C1QTNF7: variants seen among roughly 807,000 people sequenced by gnomAD.
The protein encoded by C1QTNF7 is C1q and TNF related 7.
C1QTNF7 carries 15 observed loss-of-function variants against 19.6 expected under a neutral mutation model. That is an observed-to-expected ratio of 0.76 (90% CI 0.51 to 1.18). The LOEUF is 1.18. Among genes scored for constraint, C1QTNF7 ranks in the 50% most tolerant of loss-of-function variants. C1QTNF7 has a pLI of 0.00. For synonymous variants in C1QTNF7, 142 were observed against 137.5 expected (o/e 1.03, Z -0.23); for missense variants, 324 against 359.7 (o/e 0.90, Z 0.80).
chr4:15,436,879 G>A (rs1712559928), intron 2 of C1QTNF7, among the ~76,000 whole-genome samples: 1 of 152,170 alleles, frequency 6.6e-6, no homozygotes. Flanking sequence ...TGATTTACTG[G>A]AGTTCTGTAA....
At chr4:15,419,014 T>C (rs1295504005) in intron 1 of C1QTNF7, among the ~76,000 whole-genome samples, 1 of 152,220 alleles carries the variant, frequency 6.6e-6, no homozygotes, top group Non-Finnish European at 1.5e-5. Context: ...TTAGCTTCAC[T>C]AACCTTTAAA....
At chr4:15,415,596 GC>G (rs1198761215) in intron 1 of C1QTNF7, among the ~76,000 whole-genome samples, 1 of 148,586 alleles carries the variant, frequency 6.7e-6, no homozygotes, top group African/African-American at 2.5e-5. Context: ...TTGGTATTGG[GC>G]CTTCTCTTTT....
exon 1 of C1QTNF7, chr4:15,340,198 T>C: frequency 6.4e-7 from 1 of 1,551,622 alleles, no homozygotes; most frequent in Non-Finnish European, 8.7e-7. Context: ...ATCAGCAATG[T>C]CCAGACAAGG....
intron 2 of C1QTNF7, among the ~76,000 whole-genome samples, chr4:15,437,150 T>C (rs1712570390): frequency 6.6e-6 from 1 of 152,194 alleles, no homozygotes; most frequent in South Asian, 2.1e-4. Flanking sequence ...TGAAATCCTA[T>C]AATAACATCA....
At chr4:15,394,781 G>T (rs1417754917) in intron 1 of C1QTNF7, among the ~76,000 whole-genome samples, 2 of 152,154 alleles carry the variant, frequency 1.3e-5, no homozygotes, top group Non-Finnish European at 2.9e-5. Flanking sequence ...GGTATCAGAA[G>T]GTCTTGAACC....
chr4:15,442,125 T>C (rs1397872895), intron 2 of C1QTNF7, 43 bp from the exon 3 acceptor site: 1 of 1,539,138 alleles, frequency 6.5e-7, no homozygotes, highest in Non-Finnish European at 8.7e-7. Flanking sequence ...TGTGATTATA[T>C]CTTTTGAGGA....
intron 1 of C1QTNF7, among the ~76,000 whole-genome samples, chr4:15,420,678 C>T (rs1444312170): frequency 1.3e-5 from 2 of 152,110 alleles, no homozygotes; most frequent in Non-Finnish European, 2.9e-5. Context: ...TTGCCCAAGG[C>T]AATTTGCCCA....
intron 1 of C1QTNF7, among the ~76,000 whole-genome samples, chr4:15,405,461 G>A (rs1719156369): frequency 6.6e-6 from 1 of 152,198 alleles, no homozygotes; most frequent in Admixed American, 6.5e-5. Flanking sequence ...GAGGATATAG[G>A]TGGGCATATA....
chr4:15,381,470 A>G (rs1718141315), intron 1 of C1QTNF7, among the ~76,000 whole-genome samples: 1 of 152,208 alleles, frequency 6.6e-6, no homozygotes, highest in Admixed American at 6.5e-5. Context: ...TAAAAAGTGA[A>G]AAGGGGAAGA....
At chr4:15,342,499 A>G (rs1471260239) in intron 1 of C1QTNF7, among the ~76,000 whole-genome samples, 3 of 152,250 alleles carry the variant, frequency 2.0e-5, no homozygotes, top group Non-Finnish European at 2.9e-5. Context: ...TAAAAACAGC[A>G]TAGGAAAGAT....
chr4:15,415,701 C>T (rs1488421956), intron 1 of C1QTNF7, among the ~76,000 whole-genome samples: 1 of 151,822 alleles, frequency 6.6e-6, no homozygotes, highest in Non-Finnish European at 1.5e-5. Context: ...AAGCGATCCT[C>T]CCACTCTGGC....
intron 1 of C1QTNF7, among the ~76,000 whole-genome samples, chr4:15,352,795 G>C (rs1208556533): frequency 6.6e-6 from 1 of 152,102 alleles, no homozygotes; most frequent in Non-Finnish European, 1.5e-5. Flanking sequence ...TCCTTCCCTG[G>C]ACACGTAGTC....
At chr4:15,399,490 T>C (rs1258501883) in intron 1 of C1QTNF7, among the ~76,000 whole-genome samples, 1 of 152,208 alleles carries the variant, frequency 6.6e-6, no homozygotes, top group South Asian at 2.1e-4. Context: ...GCCAGGTTCT[T>C]CGTATCTCTA....
chr4:15,348,433 C>T (rs932135481), intron 1 of C1QTNF7, among the ~76,000 whole-genome samples: 2 of 152,180 alleles, frequency 1.3e-5, no homozygotes, highest in Non-Finnish European at 2.9e-5. Context: ...TTCTACATTG[C>T]TGCCTTCATG....
intron 1 of C1QTNF7, among the ~76,000 whole-genome samples, chr4:15,351,385 T>C (rs1221262806): frequency 6.6e-6 from 1 of 152,182 alleles, no homozygotes; most frequent in Non-Finnish European, 1.5e-5. Context: ...AACTGTATGT[T>C]GCCTTAATTA....
At chr4:15,436,060 T>C in intron 2 of C1QTNF7, 79 bp downstream of exon 2, 1 of 1,530,102 alleles carries the variant, frequency 6.5e-7, no homozygotes, top group Non-Finnish European at 8.8e-7. Flanking sequence ...TTACTTTTTC[T>C]AATGGGAATT....
rs114420084 is a variant in C1QTNF7, at chr4:15,444,050, A to G, written c.*1251A>G. 8 of 152,262 alleles carry G rather than the reference A, an allele frequency of 5.3e-5. No homozygotes were observed. The highest frequency in any genetic ancestry group is 1.2e-4 in the Non-Finnish European group (8 of 68,014). 9.4% of individuals were successfully genotyped at this position (152,262 alleles called of 1,614,324 possible). On this transcript the variant is annotated 3_prime_UTR_variant, in exon 3 of 3. Transcript: ENST00000444304. ...GCACCTTGTTCTTCACTGAACTGCA[A>G]TTCTTCAATTATTCTCTTCCATGAT... is the stretch of plus-strand genomic sequence containing the variant.
At chr4:15,355,398 A>G (rs1201736301) in intron 1 of C1QTNF7, among the ~76,000 whole-genome samples, 3 of 152,122 alleles carry the variant, frequency 2.0e-5, no homozygotes, top group South Asian at 4.1e-4. Flanking sequence ...AGAAACTAAT[A>G]TGGATCATGT....
chr4:15,376,318 G>A (rs1011277547), intron 1 of C1QTNF7, among the ~76,000 whole-genome samples: 6 of 152,188 alleles, frequency 3.9e-5, no homozygotes, highest in African/African-American at 1.4e-4. Flanking sequence ...TCAAATTTGG[G>A]GAAATATTTA....
Sources: gnomAD v4.1 joint callset for allele counts (sites outside exome capture counted in the v4.1 genomes callset) on GRCh38, gnomAD v4.1.1 for gene constraint, MANE v1.5 for transcripts, NCBI Gene and HGNC (gene_info 2026-07-23, HGNC 2026-07-21) for gene names.